The following UTS2B variants were observed in gnomAD, a reference collection of about 807,000 sequenced individuals.
UTS2B encodes urotensin 2B.
Under a neutral mutation model 19.2 loss-of-function variants are expected in UTS2B, and 21 were observed. That is an observed-to-expected ratio of 1.09 (90% CI 0.78 to 1.58). UTS2B has a LOEUF of 1.58. Among genes scored for constraint, UTS2B ranks in the 40% most tolerant of loss-of-function variants. The probability of loss-of-function intolerance (pLI) is 0.00; values close to 1 mark genes in which losing one functional copy is unlikely to be tolerated. For synonymous variants in UTS2B, 57 were observed against 50.2 expected, an observed-to-expected ratio of 1.14 and a Z score of -0.58; for missense variants, 138 against 130.3, an observed-to-expected ratio of 1.06 and a Z score of -0.29.
At chr3:191,300,909 A>G (rs1716982217) in intron 4 of UTS2B, among the ~76,000 whole-genome samples, 1 of 152,242 alleles carries the variant, frequency 6.6e-6, no homozygotes, top group Admixed American at 6.5e-5. Flanking sequence ...GCAAAACCAT[A>G]CAATAAGTAA....
At chr3:191,333,866 A>AT (rs925732993), upstream of UTS2B, among the ~76,000 whole-genome samples, 4 of 152,016 alleles carry the variant, frequency 2.6e-5, no homozygotes, top group African/African-American at 9.7e-5. Context: ...AAAACTTCGA[A>AT]TTTTTTTCTA....
the UTS2B span, among the ~76,000 whole-genome samples, chr3:191,341,146 C>G: frequency 1.3e-5 from 2 of 152,138 alleles, no homozygotes; most frequent in Non-Finnish European, 2.9e-5. Context: ...AGCACAGATT[C>G]TGTACTAGAC....
intron 5 of UTS2B, 92 bp from the exon 6 acceptor site, chr3:191,278,262 T>C: frequency 1.6e-6 from 1 of 642,866 alleles, no homozygotes; most frequent in Non-Finnish European, 2.6e-6. Context: ...ATTTGTATAT[T>C]TGACAACGAA....
At chr3:191,345,079 T>C in the UTS2B span, among the ~76,000 whole-genome samples, 3 of 152,164 alleles carry the variant, frequency 2.0e-5, no homozygotes, top group African/African-American at 4.8e-5. Flanking sequence ...GATGTCCTGA[T>C]TGAGCTCATT....
chr3:191,303,001 A>C (rs1449415052), intron 4 of UTS2B, among the ~76,000 whole-genome samples: 4 of 152,188 alleles, frequency 2.6e-5, no homozygotes, highest in African/African-American at 9.7e-5. Context: ...GCGAAGATTA[A>C]CTAACAGGAA....
At chr3:191,282,434 A>T in intron 4 of UTS2B, 121 bp from the exon 5 acceptor site, 1 of 402,326 alleles carries the variant, frequency 2.5e-6, no homozygotes, top group Non-Finnish European at 4.5e-6. Context: ...GGCAGGAAGA[A>T]CCCAATCAAT....
intron 4 of UTS2B, among the ~76,000 whole-genome samples, chr3:191,299,662 G>C (rs770468625): frequency 2.6e-5 from 4 of 152,380 alleles, no homozygotes; most frequent in Admixed American, 2.0e-4. Flanking sequence ...CAGTGCAGAG[G>C]GGAAGTGTGG....
At chr3:191,318,550 C>T (rs1717528438) in intron 2 of UTS2B, among the ~76,000 whole-genome samples, 1 of 152,198 alleles carries the variant, frequency 6.6e-6, no homozygotes, top group Non-Finnish European at 1.5e-5. Flanking sequence ...CTCACTGCAA[C>T]CTCCACCTCT....
At chr3:191,274,285 T>G (rs1716170619) in intron 8 of UTS2B, among the ~76,000 whole-genome samples, 1 of 152,206 alleles carries the variant, frequency 6.6e-6, no homozygotes, top group Non-Finnish European at 1.5e-5. Flanking sequence ...TGTATGGGAT[T>G]CATGTAGAAA....
intron 4 of UTS2B, among the ~76,000 whole-genome samples, chr3:191,289,282 G>A (rs879371388): frequency 2.6e-4 from 39 of 152,006 alleles, no homozygotes; most frequent in Non-Finnish European, 4.6e-4. Flanking sequence ...GGTGGCAGGC[G>A]CCTGTAGGCC....
chr3:191,313,455 A>G (rs1717358082), intron 3 of UTS2B, among the ~76,000 whole-genome samples: 1 of 152,198 alleles, frequency 6.6e-6, no homozygotes, highest in South Asian at 2.1e-4. Flanking sequence ...GAAACAGCCT[A>G]ATGATACCTG....
the UTS2B span, among the ~76,000 whole-genome samples, chr3:191,336,888 G>C: frequency 4.6e-5 from 7 of 152,196 alleles, no homozygotes; most frequent in Non-Finnish European, 2.9e-5. Flanking sequence ...ATTTGTTGCA[G>C]GGACCTGCAA....
chr3:191,267,313 C>T lies in UTS2B; in HGVS notation c.*1103G>A, dbSNP rs1432643929. The T allele has an allele frequency of 1.3e-5, 2 of 152,186 alleles. No homozygotes were observed. The highest frequency in any genetic ancestry group is 2.4e-5 in the African/African-American group (1 of 41,450). 9.4% of individuals were successfully genotyped at this position (152,186 alleles called of 1,614,324 possible). ...ACAAAACCATTTTGATAGTGACATA[C>T]CTTCAAAAGTGCAACTGATTAGTGA... is the stretch of plus-strand genomic sequence containing the variant. On this transcript the variant is annotated 3_prime_UTR_variant, in exon 9 of 9. Transcript: ENST00000340524.
intron 2 of UTS2B, among the ~76,000 whole-genome samples, chr3:191,317,255 A>C (rs540636959): frequency 7.2e-5 from 11 of 152,248 alleles, no homozygotes; most frequent in Non-Finnish European, 1.3e-4. Flanking sequence ...TAAGCCCCTC[A>C]CTGCCTGGGG....
In UTS2B at chr3:191,301,693, G is replaced by T. The variant is rs541796434; in HGVS notation, c.-125+2799C>A. ...TTTAGTAGAGACGGGGTTTCACCGAGTTAGCCAGGATGGTCTCGATCTCCT... is the reference window on the plus strand; with the variant it reads ...TTTAGTAGAGACGGGGTTTCACCGATTTAGCCAGGATGGTCTCGATCTCCT... On this transcript the variant is annotated intron_variant, in intron 4 of 8. Coordinates refer to ENST00000340524, the MANE Select transcript of UTS2B (RefSeq NM_198152.5). Among the ~76,000 whole-genome samples, 412 of 151,896 alleles carry T rather than the reference G, an allele frequency of 2.7e-3. 7 individuals carry two copies. Among genetic ancestry groups the T allele is most frequent in the Admixed American group, 0.018 (269 of 15,244 alleles).
At position 191,268,236 on chromosome 3, in the gene UTS2B, G is replaced by A. The variant is rs981655781; in HGVS notation, c.*180C>T. 5 of 467,214 alleles carry A rather than the reference G, an allele frequency of 1.1e-5. No homozygotes were observed. Among genetic ancestry groups the A allele is most frequent in the Admixed American group, 4.3e-5 (1 of 23,234 alleles). The allele number at this position is 467,214 out of a possible 1,614,324, so 28.9% of individuals were successfully genotyped here. A position where few individuals can be genotyped will look rare whatever the true frequency, so the allele number is the denominator to read the frequency against. ...AAGCAAGTGCTGTTGGCTCATTCTG[G>A]CAGTCCAACCTGGCATTGTCTTTAC... On this transcript the variant is annotated 3_prime_UTR_variant, in exon 9 of 9. Transcript: ENST00000340524.
chr3:191,337,626 AGC>A, the UTS2B span, among the ~76,000 whole-genome samples: 2 of 152,104 alleles, frequency 1.3e-5, no homozygotes, highest in African/African-American at 4.8e-5. Context: ...TACAAGCATT[AGC>A]CACTGCACCC....
intron 1 of UTS2B, chr3:191,329,784 A>G: frequency 1.9e-6 from 3 of 1,556,592 alleles, no homozygotes; most frequent in Non-Finnish European, 2.6e-6. Flanking sequence ...AGGTTCTCTC[A>G]GGTCAGGGGC....
chr3:191,307,520 G>A (rs5021498), intron 3 of UTS2B, among the ~76,000 whole-genome samples: 29,818 of 152,182 alleles, frequency 0.2, 3,210 homozygotes, highest in Non-Finnish European at 0.24. Context: ...TGTATAAACA[G>A]TCGATTGCCG....
Sources: gnomAD v4.1 joint callset for allele counts (sites outside exome capture counted in the v4.1 genomes callset) on GRCh38, gnomAD v4.1.1 for gene constraint, MANE v1.5 for transcripts, NCBI Gene and HGNC (gene_info 2026-07-23, HGNC 2026-07-21) for gene names.